The following CAMK1G variants were observed in gnomAD, a reference collection of about 807,000 sequenced individuals.
CAMK1G encodes the protein calcium/calmodulin-dependent protein kinase type 1G.
Under a neutral mutation model 54.8 loss-of-function variants are expected in CAMK1G, and 27 were observed. The observed-to-expected ratio is 0.49, with a 90% CI of 0.36 to 0.68. CAMK1G has a LOEUF of 0.68. Ranked by LOEUF, CAMK1G falls within the 30% of genes least tolerant of loss-of-function variation. The pLI, the probability that CAMK1G is intolerant of heterozygous loss-of-function variation, is 0.00. For synonymous variants in CAMK1G, 238 were observed against 224.9 expected (o/e 1.06, Z -0.52); for missense variants, 512 against 591.0 (o/e 0.87, Z 1.39).
intron 7 of CAMK1G, among the ~76,000 whole-genome samples, 168 bp downstream of exon 7, chr1:209,608,101 A>G (rs1052439953): frequency 1.3e-5 from 2 of 152,018 alleles, no homozygotes; most frequent in Non-Finnish European, 1.5e-5. Context: ...ACACACATAC[A>G]TGTACACACA....
chr1:209,598,587 C>T (rs1160811766), intron 2 of CAMK1G, among the ~76,000 whole-genome samples: 1 of 152,184 alleles, frequency 6.6e-6, no homozygotes, highest in Non-Finnish European at 1.5e-5. Flanking sequence ...ACCTGCCTAG[C>T]CCCTGAATCT....
rs775968262 is a variant in CAMK1G, at chr1:209,612,168, C to T, written c.1292C>T (p.Ser431Phe). The change falls in exon 11 of 13, where the codon TCC becomes TTC. Residue 431 changes from serine (S) to phenylalanine (F), a missense_variant. By Grantham distance (155) the Ser-to-Phe change is radical. Transcript: ENST00000361322. ...CTGAACATTGGGAGCAAAGGAAAGT[C>T]CTCCTACTGCTCTGAGCCCACACTC... ...SCLNIGSKGK[S>F]SYCSEPTLLK... 4.3e-6 allele frequency: 7 copies of T among 1,614,060 alleles called. No homozygotes were observed. Among genetic ancestry groups the T allele is most frequent in the Admixed American group, 1.7e-5 (1 of 60,014 alleles).
Position 209,605,524 on chromosome 1 carries a change from C to T in CAMK1G, c.297-12C>T. 1 of 1,612,938 alleles carries T rather than the reference C, an allele frequency of 6.2e-7. No homozygotes were observed. Among genetic ancestry groups the T allele is most frequent in the South Asian group, 1.1e-5 (1 of 90,978 alleles). ...TGAGAACTGAATTCCTGTCTTGATC[C>T]TATGCCCACAGTGTTTCTGGTGGGG... On this transcript the variant is annotated splice_polypyrimidine_tract_variant and intron_variant, in intron 4 of 12. Transcript: ENST00000361322.
chr1:209,611,061 T>C (rs533008209), intron 9 of CAMK1G, among the ~76,000 whole-genome samples: 1 of 152,130 alleles, frequency 6.6e-6, no homozygotes, highest in Non-Finnish European at 1.5e-5. Flanking sequence ...CTATAAAGCA[T>C]CAGATAGTAA....
At chr1:209,605,395 T>A in intron 4 of CAMK1G, 141 bp from the exon 5 acceptor site, 5 of 937,768 alleles carry the variant, frequency 5.3e-6, no homozygotes, top group Non-Finnish European at 8.0e-6. Flanking sequence ...TGGAGTAGTC[T>A]GCTGGCAGCC....
intron 4 of CAMK1G, among the ~76,000 whole-genome samples, chr1:209,604,246 T>C (rs1665593835): frequency 2.0e-5 from 3 of 151,962 alleles, no homozygotes; most frequent in Admixed American, 1.3e-4. Context: ...GGGAGTGAGG[T>C]GGAAAGGGCC....
chr1:209,591,647 G>A (rs935159436), intron 1 of CAMK1G, among the ~76,000 whole-genome samples: 3 of 152,144 alleles, frequency 2.0e-5, no homozygotes, highest in Non-Finnish European at 4.4e-5. Flanking sequence ...CTTCAAAGTG[G>A]CATTTTATGT....
chr1:209,589,571 C>G (rs1665193548), intron 1 of CAMK1G, among the ~76,000 whole-genome samples: 1 of 152,222 alleles, frequency 6.6e-6, no homozygotes, highest in Non-Finnish European at 1.5e-5. Flanking sequence ...GCTCCCCAAT[C>G]AACCCACCCC....
At position 209,613,125 on chromosome 1, in the gene CAMK1G, CA is replaced by C. The variant is rs1233372764; in HGVS notation, c.*124del. 2.5e-6 allele frequency: 1 copy of C among 399,240 alleles called. No homozygotes were observed. The highest frequency in any genetic ancestry group is 4.5e-5 in the East Asian group (1 of 22,198). 24.7% of individuals were successfully genotyped at this position (399,240 alleles called of 1,614,324 possible). A position where few individuals can be genotyped will look rare whatever the true frequency, so the allele number is the denominator to read the frequency against. On this transcript the variant is annotated 3_prime_UTR_variant, in exon 13 of 13. Transcript: ENST00000361322. ...GCAGAGCAAGTGGAGCAGGGCTTAG[CA>C]GGAGCAGTTTCTGGCCAGAAGCACC...
Position 209,612,047 on chromosome 1 carries a change from T to G in CAMK1G, c.1171T>G (p.Cys391Gly). 6.2e-7 allele frequency: 1 copy of G among 1,614,194 alleles called. No homozygotes were observed. The highest frequency in any genetic ancestry group is 8.5e-7 in the Non-Finnish European group (1 of 1,180,036). Residue 391 changes from cysteine (C) to glycine (G), a missense_variant, in exon 11 of 13, where the codon TGC becomes GGC. Cys to Gly is a radical substitution (Grantham distance 159, BLOSUM62 -3). This residue lies in a region of CAMK1G where 315 missense variants were observed against 330.5 expected (regional missense o/e 0.95). Transcript: ENST00000361322. Reference protein sequence around the residue: ...PTAPGGRSLNCLVNGSLHISS... With the variant: ...PTAPGGRSLNGLVNGSLHISS... ...TGCCCCTGGTGGCAGGTCCCTCAACTGCCTGGTCAATGGCTCCCTCCACAT... is the reference window on the plus strand; with the variant it reads ...TGCCCCTGGTGGCAGGTCCCTCAACGGCCTGGTCAATGGCTCCCTCCACAT...
intron 2 of CAMK1G, among the ~76,000 whole-genome samples, chr1:209,596,650 TCA>T (rs200390460): frequency 1.6e-4 from 22 of 140,090 alleles, no homozygotes; most frequent in South Asian, 9.6e-4. Flanking sequence ...GTATTTTACA[TCA>T]CACACACACC....
In CAMK1G at chr1:209,608,996, C is replaced by G. The variant is rs372047332; in HGVS notation, c.652C>G (p.Pro218Ala). ...ITYILLCGYP[P>A]FYEETESKLF... ...CTGCTGCAGGCTCTGTGGATACCCCCCATTCTATGAAGAAACGGAGTCTAA... is the reference window on the plus strand; with the variant it reads ...CTGCTGCAGGCTCTGTGGATACCCCGCATTCTATGAAGAAACGGAGTCTAA... The change falls in exon 8 of 13, where the codon CCA becomes GCA. Residue 218 changes from proline (P) to alanine (A), a missense_variant. Transcript: ENST00000361322. The G allele has an allele frequency of 1.2e-6, 2 of 1,614,024 alleles. No individual in the cohort carries two copies. Among genetic ancestry groups the G allele is most frequent in the African/African-American group, 1.3e-5 (1 of 74,908 alleles).
At chr1:209,590,360 G>T (rs1416707754) in intron 1 of CAMK1G, among the ~76,000 whole-genome samples, 2 of 152,166 alleles carry the variant, frequency 1.3e-5, no homozygotes, top group East Asian at 3.8e-4. Flanking sequence ...ACAGAGGGGT[G>T]GGAAGGGAAA....
chr1:209,609,681 GGTT>G (rs1382351799), intron 8 of CAMK1G, among the ~76,000 whole-genome samples, 167 bp from the exon 9 acceptor site: 2 of 152,136 alleles, frequency 1.3e-5, no homozygotes, highest in Non-Finnish European at 2.9e-5. Flanking sequence ...GTTTATGGTG[GGTT>G]GTTGTTAGGT....
At position 209,605,561 on chromosome 1, in the gene CAMK1G, C is replaced by T. The variant is rs376036886; in HGVS notation, c.322C>T (p.Arg108Trp). ...TGTTTCTGGTGGGGAGCTCTTTGAC[C>T]GGATCCTGGAGCGGGGTGTCTACAC... ...QLVSGGELFD[R>W]ILERGVYTEK... The change falls in exon 5 of 13, where the codon CGG (arginine) becomes TGG (tryptophan). Residue 108 changes from arginine (R) to tryptophan (W), a missense_variant. By Grantham distance (101) the Arg-to-Trp change is moderately radical (BLOSUM62 -3). Coordinates refer to ENST00000361322, the MANE Select transcript of CAMK1G (RefSeq NM_020439.3). 5.0e-6 allele frequency: 8 copies of T among 1,613,874 alleles called. No individual in the cohort carries two copies. The highest frequency in any genetic ancestry group is 2.2e-5 in the East Asian group (1 of 44,878).
intron 1 of CAMK1G, among the ~76,000 whole-genome samples, chr1:209,593,752 C>CCTAGACTTCTGTCCCCTACCCGGT (rs1297403479): frequency 6.6e-6 from 1 of 151,832 alleles, no homozygotes. Flanking sequence ...TCATCTCTCT[C>CCTAGACTTCTGTCCCCTACCCGGT]TTCACATCTC....
chr1:209,606,166 C>A (rs1164504299), intron 5 of CAMK1G, 154 bp from the exon 6 acceptor site: 1 of 412,938 alleles, frequency 2.4e-6, no homozygotes, highest in Non-Finnish European at 3.3e-6. Flanking sequence ...TGTGAGGGTG[C>A]AGGTAGGAGG....
Position 209,592,328 on chromosome 1 carries a change from G to C in CAMK1G, c.-29-2627G>C, listed in dbSNP as rs146586711. ...CCACTGCACTCTAGCCTGGGTAATA[G>C]AGCAAGACTCTGTCTCAAAAAAAAA... On this transcript the variant is annotated intron_variant, in intron 1 of 12. Coordinates refer to ENST00000361322, the MANE Select transcript of CAMK1G (RefSeq NM_020439.3). Among the ~76,000 whole-genome samples, 152 of 131,256 alleles carry C rather than the reference G, an allele frequency of 1.2e-3. 2 individuals are homozygous for C. The East Asian group carries it at 0.029, about 25-fold the overall frequency. 86.1% of individuals were successfully genotyped at this position (131,256 alleles called of 152,430 possible).
In CAMK1G at chr1:209,584,146, G is replaced by A. The variant is rs116746705; in HGVS notation, c.-30+374G>A. On this transcript the variant is annotated intron_variant, in intron 1 of 12. Transcript: ENST00000361322. ...ACCCCGTCCATCTGCTGGGGTGTTA[G>A]GACCTCCAACTCTCTTGCACCCCTC... Among the ~76,000 whole-genome samples, 631 of 152,232 alleles carry A rather than the reference G, an allele frequency of 4.1e-3. 4 individuals are homozygous for A. Among genetic ancestry groups the A allele is most frequent in the African/African-American group, 0.014 (585 of 41,526 alleles).
Sources: allele counts gnomAD v4.1 joint callset (sites outside exome capture counted in the v4.1 genomes callset), GRCh38; gene constraint gnomAD v4.1.1; regional missense constraint gnomAD v4.1.1; transcripts MANE v1.5; gene names NCBI Gene and HGNC (gene_info 2026-07-23, HGNC 2026-07-21).